The following CDHR3 variants were observed in gnomAD, a reference collection of about 807,000 sequenced individuals.
The protein encoded by CDHR3 is cadherin-related family member 3.
In CDHR3, 79 loss-of-function variants were observed where a neutral mutation model predicts 86.6. The ratio of observed to expected loss-of-function variants is 0.91; its 90% CI spans 0.76 to 1.10. The LOEUF (loss-of-function observed/expected upper bound fraction) is 1.10, where lower values mean the gene tolerates loss of function less well. Ranked by LOEUF, CDHR3 falls within the 50% of genes least tolerant of loss-of-function variation. The probability of loss-of-function intolerance (pLI) is 0.00; values close to 1 mark genes in which losing one functional copy is unlikely to be tolerated. For missense variants in CDHR3, 1,081 were observed against 1,077.6 expected, an observed-to-expected ratio of 1.00 and a Z score of -0.04; for synonymous variants, 421 against 402.4, an observed-to-expected ratio of 1.05 and a Z score of -0.55.
At chr7:106,016,104 C>A (rs1835590156) in intron 11 of CDHR3, 79 bp downstream of exon 11, 2 of 926,802 alleles carry the variant, frequency 2.2e-6, no homozygotes, top group Non-Finnish European at 1.7e-6. Flanking sequence ...GTGGAAAACT[C>A]CCTTCTGGAG....
At chr7:105,984,333 G>T (rs758687853) in intron 4 of CDHR3, 44 bp downstream of exon 4, 6 of 1,491,574 alleles carry the variant, frequency 4.0e-6, no homozygotes, top group Non-Finnish European at 4.6e-6. Context: ...TCCGTGTTGG[G>T]TTAGACACAG....
At chr7:105,988,844 A>T (rs1830902145) in intron 4 of CDHR3, among the ~76,000 whole-genome samples, 1 of 152,254 alleles carries the variant, frequency 6.6e-6, no homozygotes, top group African/African-American at 2.4e-5. Context: ...TAGCTTATTT[A>T]ACTCAGTATA....
rs116002605 is a variant in CDHR3 at position 105,969,898 on chromosome 7, T to C, written c.47-4946T>C. On this transcript the variant is annotated intron_variant, in intron 1 of 18. Transcript: ENST00000317716. Reference sequence around the variant, plus strand: ...AACCCTGTTTAGTGGCTACTGTTAATGTAGCACCATAGCCCTGAGAGACAG... The same window carrying C: ...AACCCTGTTTAGTGGCTACTGTTAACGTAGCACCATAGCCCTGAGAGACAG... Among the ~76,000 whole-genome samples the C allele has an allele frequency of 1.6e-3, 245 of 152,266 alleles. 1 individual carries two copies. The highest frequency in any genetic ancestry group is 5.6e-3 in the African/African-American group (233 of 41,564).
chr7:105,981,192 G>C, intron 3 of CDHR3, 59 bp downstream of exon 3: 1 of 1,520,558 alleles, frequency 6.6e-7, no homozygotes, highest in Non-Finnish European at 8.9e-7. Flanking sequence ...AGGGCCCTGG[G>C]GGACAGAGAG....
At chr7:105,984,358 G>T in intron 4 of CDHR3, 69 bp downstream of exon 4, 2 of 1,241,366 alleles carry the variant, frequency 1.6e-6, no homozygotes, top group Admixed American at 4.2e-5. Context: ...CTGCTGTCCT[G>T]AGTCTTGGCG....
At chr7:106,019,530 C>T (rs1836222539) in intron 12 of CDHR3, among the ~76,000 whole-genome samples, 1 of 152,006 alleles carries the variant, frequency 6.6e-6, no homozygotes, top group South Asian at 2.1e-4. Context: ...AATTCATAAG[C>T]TTTTTAAAAG....
At chr7:105,998,283 A>G (rs568041647) in intron 6 of CDHR3, among the ~76,000 whole-genome samples, 1 of 152,356 alleles carries the variant, frequency 6.6e-6, no homozygotes, top group South Asian at 2.1e-4. Context: ...ACTGAGTTTG[A>G]GCCTGAAATA....
chr7:105,965,900 G>T (rs1826846134), intron 1 of CDHR3, among the ~76,000 whole-genome samples: 3 of 152,192 alleles, frequency 2.0e-5, no homozygotes, highest in East Asian at 1.9e-4. Flanking sequence ...GTCTGGTATG[G>T]TTTTTTCCCC....
intron 1 of CDHR3, among the ~76,000 whole-genome samples, chr7:105,973,540 A>G (rs1382548848): frequency 6.6e-6 from 1 of 152,042 alleles, no homozygotes; most frequent in East Asian, 1.9e-4. Context: ...TGCCTCCATT[A>G]TATCATGGCC....
chr7:105,983,187 G>A (rs928600265), intron 3 of CDHR3, among the ~76,000 whole-genome samples: 1 of 152,202 alleles, frequency 6.6e-6, no homozygotes, highest in Admixed American at 6.5e-5. Context: ...TTGCATGAGA[G>A]TAAGGTTCTG....
At chr7:105,995,275 C>T (rs985827859) in intron 5 of CDHR3, among the ~76,000 whole-genome samples, 1 of 152,214 alleles carries the variant, frequency 6.6e-6, no homozygotes, top group African/African-American at 2.4e-5. Flanking sequence ...AGGCTCAAGC[C>T]ACTCCACAGG....
intron 2 of CDHR3, among the ~76,000 whole-genome samples, chr7:105,976,263 G>C (rs898389024): frequency 3.9e-5 from 6 of 152,160 alleles, no homozygotes; most frequent in Non-Finnish European, 7.3e-5. Context: ...TGCTTTGCGT[G>C]TGTTTGCTTT....
intron 16 of CDHR3, among the ~76,000 whole-genome samples, chr7:106,027,064 G>C (rs1485976935): frequency 6.6e-6 from 1 of 152,176 alleles, no homozygotes; most frequent in Admixed American, 6.5e-5. Context: ...GTGTCCTGAG[G>C]ACAGCTAATG....
intron 3 of CDHR3, among the ~76,000 whole-genome samples, chr7:105,983,938 G>A (rs972245911): frequency 2.6e-5 from 4 of 152,112 alleles, no homozygotes; most frequent in Admixed American, 2.0e-4. Flanking sequence ...TCACCCTGGG[G>A]CACCTCTCAA....
At chr7:105,983,357 G>A (rs1830051273) in intron 3 of CDHR3, among the ~76,000 whole-genome samples, 1 of 152,168 alleles carries the variant, frequency 6.6e-6, no homozygotes, top group Non-Finnish European at 1.5e-5. Context: ...TCATTTACTA[G>A]CTAGGACAAC....
rs760505550 is a variant in CDHR3 at position 105,981,126 on chromosome 7, G to T, written c.408G>T (p.Leu136Phe). ...AGCCACCTCAGTTTCAAGGCAACTT[G>T]GCAGAAGGTAGGATACACCAGGATG... ...VNEPPQFQGN[L>F]AEGLHLYIVE... The change falls in exon 3 of 19, where the codon TTG becomes TTT. Residue 136 changes from leucine (L) to phenylalanine (F), a missense_variant. Physicochemically the swap from Leu to Phe is conservative, Grantham distance 22. Transcript: ENST00000317716. 1 of 1,613,424 alleles carries T rather than the reference G, an allele frequency of 6.2e-7. No individual in the cohort carries two copies. The highest frequency in any genetic ancestry group is 1.1e-5 in the South Asian group (1 of 90,892).
At chr7:105,980,625 T>TTAA (rs1829579587) in intron 2 of CDHR3, among the ~76,000 whole-genome samples, 1 of 17,310 alleles carries the variant, frequency 5.8e-5, no homozygotes, top group Admixed American at 7.3e-4. Context: ...TTTTTTTAAT[T>TTAA]TTTTTTTTTT....
At chr7:105,980,268 T>C (rs936647322) in intron 2 of CDHR3, among the ~76,000 whole-genome samples, 1 of 152,238 alleles carries the variant, frequency 6.6e-6, no homozygotes, top group African/African-American at 2.4e-5. Context: ...ATTCTTTTTT[T>C]AAATTTTTTA....
chr7:105,982,791 T>C (rs1829964967), intron 3 of CDHR3, among the ~76,000 whole-genome samples: 1 of 151,972 alleles, frequency 6.6e-6, no homozygotes, highest in African/African-American at 2.4e-5. Flanking sequence ...AAGACCAGCC[T>C]GGGCAACAGG....
Sources: allele counts gnomAD v4.1 joint callset (sites outside exome capture counted in the v4.1 genomes callset), GRCh38; gene constraint gnomAD v4.1.1; transcripts MANE v1.5; gene names NCBI Gene and HGNC (gene_info 2026-07-23, HGNC 2026-07-21).